Variants in SYN3 observed in about 807,000 individuals in gnomAD.
SYN3 encodes synapsin III.
SYN3 carries 35 observed loss-of-function variants against 65.8 expected under a neutral mutation model. The ratio of observed to expected loss-of-function variants is 0.53; its 90% CI spans 0.41 to 0.70. The LOEUF is 0.70. Among genes scored for constraint, SYN3 ranks in the 30% least tolerant of loss-of-function variants. SYN3 has a pLI of 0.00. For missense variants in SYN3, 680 were observed against 749.0 expected, an observed-to-expected ratio of 0.91 and a Z score of 1.08; for synonymous variants, 270 against 292.9, an observed-to-expected ratio of 0.92 and a Z score of 0.80.
At chr22:32,558,282 A>G (rs2058532255) in intron 7 of SYN3, among the ~76,000 whole-genome samples, 1 of 152,212 alleles carries the variant, frequency 6.6e-6, no homozygotes, top group Admixed American at 6.5e-5. Context: ...CCTGTAGGAT[A>G]TAGCTGAGAA....
chr22:32,840,376 G>A (rs2047859511), intron 6 of SYN3, among the ~76,000 whole-genome samples: 1 of 152,120 alleles, frequency 6.6e-6, no homozygotes, highest in Non-Finnish European at 1.5e-5. Context: ...TCAACGAAAA[G>A]GGCCTTTGAA....
At chr22:33,019,184 C>A (rs1326349188) in intron 1 of SYN3, among the ~76,000 whole-genome samples, 1 of 152,228 alleles carries the variant, frequency 6.6e-6, no homozygotes, top group African/African-American at 2.4e-5. Context: ...ATACCTTAAT[C>A]ATTGCCATCT....
At chr22:32,611,307 T>TGG (rs1433103812) in intron 6 of SYN3, among the ~76,000 whole-genome samples, 1 of 75,788 alleles carries the variant, frequency 1.3e-5, no homozygotes, top group African/African-American at 6.5e-5. Flanking sequence ...TTTTTTTTTG[T>TGG]GGGGGGGATG....
At chr22:32,996,921 T>C (rs2052897349) in intron 2 of SYN3, among the ~76,000 whole-genome samples, 1 of 152,230 alleles carries the variant, frequency 6.6e-6, no homozygotes, top group African/African-American at 2.4e-5. Flanking sequence ...TGCTTGGCTG[T>C]GCACTGTAAC....
intron 3 of SYN3, among the ~76,000 whole-genome samples, chr22:32,956,158 CTT>C (rs1362683300): frequency 5.0e-5 from 6 of 121,030 alleles, no homozygotes; most frequent in Non-Finnish European, 1.1e-4. Flanking sequence ...CCCCTACTAA[CTT>C]TTTTTTTTTT....
chr22:32,769,002 C>T (rs989402212), intron 6 of SYN3, among the ~76,000 whole-genome samples: 49 of 152,252 alleles, frequency 3.2e-4, no homozygotes, highest in African/African-American at 1.1e-3. Flanking sequence ...CCATGGAAAC[C>T]CTTCACTTGT....
chr22:32,831,513 G>T (rs1049958702), intron 6 of SYN3, among the ~76,000 whole-genome samples: 1 of 152,114 alleles, frequency 6.6e-6, no homozygotes, highest in Admixed American at 6.5e-5. Flanking sequence ...GGTCGGAGTT[G>T]GGGGGCAGTA....
intron 6 of SYN3, among the ~76,000 whole-genome samples, chr22:32,813,397 A>C (rs1312604998): frequency 6.6e-6 from 1 of 151,864 alleles, no homozygotes; most frequent in Non-Finnish European, 1.5e-5. Flanking sequence ...GCTCCAGCCT[A>C]TCAGGATGTG....
intron 7 of SYN3, among the ~76,000 whole-genome samples, chr22:32,569,537 ATCTCTCTCTCTCTCTC>A (rs142418236): frequency 0.15 from 17,362 of 113,414 alleles, 1,340 homozygotes; most frequent in East Asian, 0.34. Flanking sequence ...AAATCAATCA[ATCTCTCTCTCTCTCTC>A]TCTCTCTCTC....
intron 7 of SYN3, among the ~76,000 whole-genome samples, chr22:32,589,982 A>C (rs2059105670): frequency 6.6e-6 from 1 of 152,182 alleles, no homozygotes; most frequent in Middle Eastern, 3.2e-3. Flanking sequence ...CTAAGAGTGA[A>C]TTACATTTTT....
At chr22:32,873,943 G>A (rs572445232) in intron 4 of SYN3, among the ~76,000 whole-genome samples, 1 of 151,656 alleles carries the variant, frequency 6.6e-6, no homozygotes, top group African/African-American at 2.4e-5. Flanking sequence ...CCTGGCCAAC[G>A]TGGCAAAACC....
intron 4 of SYN3, among the ~76,000 whole-genome samples, chr22:32,899,618 G>A (rs2146519457): frequency 6.6e-6 from 1 of 152,202 alleles, no homozygotes; most frequent in East Asian, 1.9e-4. Flanking sequence ...TAGGAAAAAG[G>A]GTTATTCTGC....
chr22:32,691,820 C>T lies in SYN3; in HGVS notation c.712-95084G>A, dbSNP rs112511492. ...TGCAGCCACCTGCTAAGATACCCAC[C>T]AATAAGGGCAGAGTCTAGAAGACAC... On this transcript the variant is annotated intron_variant, in intron 6 of 13. Transcript: ENST00000358763. 4.4e-3 allele frequency among the ~76,000 whole-genome samples: 673 copies of T among 152,120 alleles called. 3 individuals are homozygous for T. The highest frequency in any genetic ancestry group is 0.015 in the African/African-American group (635 of 41,506).
chr22:32,972,861 T>C (rs1269132478), intron 3 of SYN3, among the ~76,000 whole-genome samples: 5 of 149,724 alleles, frequency 3.3e-5, no homozygotes, highest in African/African-American at 1.2e-4. Context: ...AAAAAAAAGC[T>C]GGGCATGGAT....
At chr22:32,805,200 C>T (rs2046695535) in intron 6 of SYN3, among the ~76,000 whole-genome samples, 1 of 152,152 alleles carries the variant, frequency 6.6e-6, no homozygotes, top group South Asian at 2.1e-4. Context: ...TCGGGGCCTG[C>T]CTCTGAGCCT....
At chr22:32,858,248 T>G in intron 6 of SYN3, 1 of 1,503,754 alleles carries the variant, frequency 6.7e-7, no homozygotes, top group Non-Finnish European at 9.1e-7. Flanking sequence ...AGGGTATGCA[T>G]GTGTTAGGCC....
At chr22:32,665,623 C>T (rs1297700210) in intron 6 of SYN3, among the ~76,000 whole-genome samples, 2 of 152,034 alleles carry the variant, frequency 1.3e-5, no homozygotes, top group African/African-American at 2.4e-5. Flanking sequence ...TAATCACGCG[C>T]TCTTCTGTCA....
intron 6 of SYN3, among the ~76,000 whole-genome samples, chr22:32,742,835 T>G (rs1162784884): frequency 6.6e-6 from 1 of 152,236 alleles, no homozygotes; most frequent in Non-Finnish European, 1.5e-5. Flanking sequence ...TATCACGCCA[T>G]TAATAGCAAC....
chr22:32,880,837 G>A (rs2049112959), intron 4 of SYN3, among the ~76,000 whole-genome samples: 1 of 152,236 alleles, frequency 6.6e-6, no homozygotes, highest in Non-Finnish European at 1.5e-5. Context: ...CCTCGCCACT[G>A]AAGGACAGGG....
Sources: allele counts gnomAD v4.1 joint callset (sites outside exome capture counted in the v4.1 genomes callset), GRCh38; gene constraint gnomAD v4.1.1; transcripts MANE v1.5; gene names NCBI Gene and HGNC (gene_info 2026-07-23, HGNC 2026-07-21).